The following ABCC9 variants were observed in gnomAD, a reference collection of about 807,000 sequenced individuals.
ABCC9 encodes the protein ATP-binding cassette sub-family C member 9.
Under a neutral mutation model 188.3 loss-of-function variants are expected in ABCC9, and 95 were observed. The ratio of observed to expected loss-of-function variants is 0.50; its 90% confidence interval spans 0.43 to 0.60. ABCC9 has a LOEUF of 0.60. Among genes scored for constraint, ABCC9 ranks in the 20% least tolerant of loss-of-function variants. The pLI is 0.00. For missense variants in ABCC9, 1,102 were observed against 1,876.3 expected (o/e 0.59, Z 7.62); for synonymous variants, 659 against 652.7 (o/e 1.01, Z -0.15).
chr12:21,905,461 G>A (rs1283092315), intron 12 of ABCC9, among the ~76,000 whole-genome samples: 1 of 151,450 alleles, frequency 6.6e-6, no homozygotes, highest in East Asian at 1.9e-4. Flanking sequence ...CATTTTTAGC[G>A]ATTGAGAGTT....
chr12:21,857,299 ATGCT>A (rs1565746011), intron 22 of ABCC9, among the ~76,000 whole-genome samples: 2 of 152,204 alleles, frequency 1.3e-5, no homozygotes, highest in African/African-American at 2.4e-5. Context: ...TGAAAATACT[ATGCT>A]TGCTTGGCCT....
intron 14 of ABCC9, 55 bp downstream of exon 14, chr12:21,893,977 C>T: frequency 6.4e-7 from 1 of 1,572,942 alleles, no homozygotes; most frequent in African/African-American, 1.3e-5. Context: ...CTCCTATTAG[C>T]ACACGTCATT....
chr12:21,829,674 T>C (rs1320712512), intron 30 of ABCC9, among the ~76,000 whole-genome samples: 2 of 152,198 alleles, frequency 1.3e-5, no homozygotes, highest in African/African-American at 4.8e-5. Context: ...CACATAATTA[T>C]TGTAGCCATG....
At chr12:21,886,122 A>G (rs1157841080) in intron 15 of ABCC9, among the ~76,000 whole-genome samples, 1 of 152,144 alleles carries the variant, frequency 6.6e-6, no homozygotes, top group Admixed American at 6.5e-5. Context: ...TCCTTCAAGA[A>G]AGTAGTATAA....
chr12:21,830,463 A>G (rs1448981005), intron 30 of ABCC9, among the ~76,000 whole-genome samples: 1 of 152,182 alleles, frequency 6.6e-6, no homozygotes, highest in African/African-American at 2.4e-5. Flanking sequence ...TCATCTGACA[A>G]AATGGCAGTG....
intron 4 of ABCC9, among the ~76,000 whole-genome samples, chr12:21,930,314 T>C (rs1457627925): frequency 1.3e-5 from 2 of 152,168 alleles, no homozygotes; most frequent in African/African-American, 4.8e-5. Flanking sequence ...TCTTCTGATA[T>C]GTATTGTAAA....
Position 21,913,074 on chromosome 12 carries a change from A to C in ABCC9, c.817-8T>G, listed in dbSNP as rs539087838. On this transcript the variant is annotated splice_polypyrimidine_tract_variant and splice_region_variant and intron_variant, in intron 7 of 39. Transcript: ENST00000261200. ...ATGATCTGCAACTTTTTTCTGAAGA[A>C]AAAAAAAAGAAAAAAAAAACAGATG... 1 of 1,588,894 alleles carries C rather than the reference A, an allele frequency of 6.3e-7. No homozygotes were observed. The highest frequency in any genetic ancestry group is 2.2e-5 in the East Asian group (1 of 44,576).
intron 14 of ABCC9, among the ~76,000 whole-genome samples, chr12:21,889,894 C>T (rs1215044980): frequency 6.6e-6 from 1 of 152,122 alleles, no homozygotes; most frequent in Non-Finnish European, 1.5e-5. Context: ...CTTCCCCTCC[C>T]ATGTCCCCAG....
Position 21,799,424 on chromosome 12 carries a change from C to T in ABCC9, c.*1620G>A, listed in dbSNP as rs919991050. 4 of 152,008 alleles carry T rather than the reference C, an allele frequency of 2.6e-5. No homozygotes were observed. The highest frequency in any genetic ancestry group is 9.7e-5 in the African/African-American group (4 of 41,394). The allele number at this position is 152,008 out of a possible 1,614,324, so 9.4% of individuals were successfully genotyped here. ...GAATTTTTAGAAAATATTTGCAAGA[C>T]ATAATTAATGAGTACCAATCCTATT... is the stretch of plus-strand genomic sequence containing the variant. On this transcript the variant is annotated 3_prime_UTR_variant, in exon 40 of 40. Transcript: ENST00000261200.
rs886049173 is a variant in ABCC9, at chr12:21,917,044, A to G, written c.466T>C (p.Cys156Arg). 6.2e-7 allele frequency: 1 copy of G among 1,613,814 alleles called. No individual in the cohort carries two copies. The highest frequency in any genetic ancestry group is 2.2e-5 in the East Asian group (1 of 44,878). ...ITKTIKLVKY[C>R]QSGLDISNLR... ...TTTGATATGTCCAAGCCAGACTGAC[A>G]GTACTTAACCAATTTTATTGTTTTT... Residue 156 changes from cysteine (C) to arginine (R), a missense_variant, in exon 6 of 40, where the codon TGT (cysteine) becomes CGT (arginine). Cys to Arg is a radical substitution (Grantham distance 180, BLOSUM62 -3). Coordinates refer to ENST00000261200, the MANE Select transcript of ABCC9 (RefSeq NM_020297.4).
Position 21,887,829 on chromosome 12 carries a change from T to C in ABCC9, c.1908A>G (p.Gly636=). The change falls in exon 15 of 40, where the codon GGA becomes GGG. Residue 636 remains glycine, a synonymous_variant. Coordinates refer to ENST00000261200, the MANE Select transcript of ABCC9 (RefSeq NM_020297.4). ...AAAACAAAAATAAAGCACTTACAACTCCAGTGTGCTTCTTACAGGACTCAA... is the reference window on the plus strand; with the variant it reads ...AAAACAAAAATAAAGCACTTACAACCCCAGTGTGCTTCTTACAGGACTCAA... The part of the protein sequence containing the change: ...LPFESCKKHT[G]VQPKTINRKQ... The C allele has an allele frequency of 2.5e-6, 4 of 1,608,426 alleles. No homozygotes were observed. The highest frequency in any genetic ancestry group is 3.4e-6 in the Non-Finnish European group (4 of 1,174,994).
intron 39 of ABCC9, among the ~76,000 whole-genome samples, chr12:21,804,810 A>G (rs1194377818): frequency 6.6e-6 from 1 of 152,232 alleles, no homozygotes; most frequent in Non-Finnish European, 1.5e-5. Flanking sequence ...TCAAGTAACT[A>G]TGTAAATGAA....
intron 16 of ABCC9, among the ~76,000 whole-genome samples, chr12:21,882,428 T>A (rs1050293621): frequency 6.6e-6 from 1 of 152,252 alleles, no homozygotes; most frequent in Admixed American, 6.5e-5. Flanking sequence ...TTCCTGAAAT[T>A]TGAACTTATA....
At chr12:21,805,853 A>G (rs1362988389) in intron 39 of ABCC9, 145 bp downstream of exon 39, 1 of 802,386 alleles carries the variant, frequency 1.2e-6, no homozygotes, top group Non-Finnish European at 2.1e-6. Context: ...ACATCTTCGT[A>G]TTTTTTTTCT....
rs185196180 is a variant in ABCC9 at position 21,798,631 on chromosome 12, G to A, written c.*2413C>T. The A allele has an allele frequency of 3.4e-4, 51 of 151,946 alleles. No homozygotes were observed. Among genetic ancestry groups the A allele is most frequent in the African/African-American group, 1.2e-3 (49 of 41,394 alleles). 9.4% of individuals were successfully genotyped at this position (151,946 alleles called of 1,614,324 possible). A position where few individuals can be genotyped will look rare whatever the true frequency, so the allele number is the denominator to read the frequency against. On this transcript the variant is annotated 3_prime_UTR_variant, in exon 40 of 40. Transcript: ENST00000261200. ...TGTAGGTTGCCTGTTCACTCTGATG[G>A]TAGTTTCTTTTGCTGTGCAGAAGCT...
chr12:21,887,053 C>G (rs7138546), intron 15 of ABCC9, among the ~76,000 whole-genome samples: 2 of 151,866 alleles, frequency 1.3e-5, no homozygotes, highest in East Asian at 3.9e-4. Flanking sequence ...CTCAAGAAAG[C>G]GAATTCTGTG....
intron 39 of ABCC9, among the ~76,000 whole-genome samples, chr12:21,805,588 G>A (rs1332190671): frequency 2.0e-5 from 3 of 152,114 alleles, no homozygotes; most frequent in Non-Finnish European, 4.4e-5. Context: ...GTAGATTAAT[G>A]AATGGAAACA....
At chr12:21,854,545 A>G (rs1338701484) in intron 22 of ABCC9, among the ~76,000 whole-genome samples, 1 of 152,204 alleles carries the variant, frequency 6.6e-6, no homozygotes, top group Non-Finnish European at 1.5e-5. Flanking sequence ...TGACAAGGGA[A>G]ATATTTCAAA....
intron 24 of ABCC9, among the ~76,000 whole-genome samples, chr12:21,849,357 A>G (rs546378920): frequency 6.6e-6 from 1 of 152,304 alleles, no homozygotes; most frequent in Non-Finnish European, 1.5e-5. Context: ...AAAAGAGTGA[A>G]AACAAAAATG....
Sources: allele counts gnomAD v4.1 joint callset (sites outside exome capture counted in the v4.1 genomes callset), GRCh38; gene constraint gnomAD v4.1.1; transcripts MANE v1.5; gene names NCBI Gene and HGNC (gene_info 2026-07-23, HGNC 2026-07-21).